Variants in DPYSL2 observed in about 807,000 individuals in gnomAD.
DPYSL2 encodes dihydropyrimidinase-related protein 2.
A neutral mutation model predicts 69.9 loss-of-function variants in DPYSL2; 13 were observed. The ratio of observed to expected loss-of-function variants is 0.19; its 90% CI spans 0.12 to 0.30. The LOEUF is 0.30. DPYSL2 is among the 10% of genes least tolerant of loss of function. DPYSL2 has a pLI of 1.00. For missense variants in DPYSL2, 587 were observed against 918.9 expected, an observed-to-expected ratio of 0.64 and a Z score of 4.67; for synonymous variants, 326 against 359.1, an observed-to-expected ratio of 0.91 and a Z score of 1.04.
intron 1 of DPYSL2, among the ~76,000 whole-genome samples, chr8:26,518,631 C>G (rs1808333080): frequency 6.6e-6 from 1 of 152,144 alleles, no homozygotes; most frequent in Non-Finnish European, 1.5e-5. Flanking sequence ...CCCCTGGCAA[C>G]CACCATTCTC....
At chr8:26,633,918 C>T (rs1802840723) in intron 7 of DPYSL2, among the ~76,000 whole-genome samples, 1 of 152,232 alleles carries the variant, frequency 6.6e-6, no homozygotes, top group Admixed American at 6.5e-5. Context: ...CCACTCCGTT[C>T]CTAGAGCCCT....
chr8:26,536,732 A>T (rs1800598884), intron 1 of DPYSL2, among the ~76,000 whole-genome samples: 1 of 152,332 alleles, frequency 6.6e-6, no homozygotes. Flanking sequence ...ATGAATAGTG[A>T]ATTTATGAAA....
Position 26,591,398 on chromosome 8 carries a change from G to A in DPYSL2, c.628+7415G>A, listed in dbSNP as rs965777076. Among the ~76,000 whole-genome samples, 12 of 152,174 alleles carry A rather than the reference G, an allele frequency of 7.9e-5. No homozygotes were observed. Among genetic ancestry groups the A allele is most frequent in the Admixed American group, 7.2e-4 (11 of 15,276 alleles). ...CTTATTGCTAGATGAAAGCTTCCAC[G>A]ACACACATGTGTCTAAGTGTGCCCT... On this transcript the variant is annotated intron_variant, in intron 3 of 13. Transcript: ENST00000521913. The surrounding 1 kb of genome is among the most constrained non-coding windows in gnomAD (Gnocchi z 5.8).
intron 1 of DPYSL2, among the ~76,000 whole-genome samples, chr8:26,535,408 T>A (rs1800574512): frequency 6.6e-6 from 1 of 152,096 alleles, no homozygotes; most frequent in Non-Finnish European, 1.5e-5. Flanking sequence ...AAATATGTCA[T>A]ACATATAAAG....
rs1038670149 is a variant in DPYSL2 at position 26,605,602 on chromosome 8, G to T, written c.629-18541G>T. ...CTTTAGCCATTCAAAGGAATTAAAT[G>T]AAGAAATATTTGATCTAAGAAGAAA... On this transcript the variant is annotated intron_variant, in intron 3 of 13. Transcript: ENST00000521913. This position sits in a 1 kb window ranked among gnomAD's most constrained non-coding sequence, Gnocchi z 4.1. 2.0e-5 allele frequency among the ~76,000 whole-genome samples: 3 copies of T among 152,116 alleles called. No individual in the cohort carries two copies. The highest frequency in any genetic ancestry group is 7.2e-5 in the African/African-American group (3 of 41,422).
At position 26,647,843 on chromosome 8, in the gene DPYSL2, A is replaced by G. The variant is rs377736634; in HGVS notation, c.1596+43A>G. The G allele has an allele frequency of 1.8e-4, 277 of 1,562,222 alleles. No homozygotes were observed. The highest frequency in any genetic ancestry group is 1.9e-4 in the Non-Finnish European group (224 of 1,153,120). On this transcript the variant is annotated intron_variant, in intron 11 of 13. Transcript: ENST00000521913. The surrounding 1 kb of genome is among the most constrained non-coding windows in gnomAD (Gnocchi z 5.1). ...TGCAGACCCCATCCAAACGAATTACAGTCACAGAGACACAGACGGAGGGAG... is the reference window on the plus strand; with the variant it reads ...TGCAGACCCCATCCAAACGAATTACGGTCACAGAGACACAGACGGAGGGAG...
chr8:26,538,832 T>G (rs1244035995), intron 1 of DPYSL2, among the ~76,000 whole-genome samples: 4 of 152,224 alleles, frequency 2.6e-5, no homozygotes, highest in Non-Finnish European at 5.9e-5. Context: ...TTCTTGGGCA[T>G]GACATTCCCC....
Position 26,610,680 on chromosome 8 carries a change from G to A in DPYSL2, c.629-13463G>A, listed in dbSNP as rs551110251. On this transcript the variant is annotated intron_variant, in intron 3 of 13. Coordinates refer to ENST00000521913, the MANE Select transcript of DPYSL2 (RefSeq NM_001197293.3). The surrounding 1 kb of genome is among the most constrained non-coding windows in gnomAD (Gnocchi z 4.5). ...CCCCCTGCTCTCCCCTGGCATAGAA[G>A]GGTGCATCTCGTCTCCCCACAACAG... is the stretch of plus-strand genomic sequence containing the variant. Among the ~76,000 whole-genome samples the A allele has an allele frequency of 6.6e-6, 1 of 152,130 alleles. No individual in the cohort carries two copies. Among genetic ancestry groups the A allele is most frequent in the Non-Finnish European group, 1.5e-5 (1 of 68,028 alleles).
chr8:26,604,723 G>A (rs183397792), intron 3 of DPYSL2, among the ~76,000 whole-genome samples: 23 of 151,532 alleles, frequency 1.5e-4, no homozygotes, highest in Admixed American at 1.3e-3. Context: ...GTGCTATCTC[G>A]GCTCACTGCA....
rs141355118 is a variant in DPYSL2 at position 26,593,115 on chromosome 8, T to C, written c.628+9132T>C. ...CTTTCTGGTTAACCCATTTGGGAGGTAGCTTTCTTTGAATATGACTAAGTG... is the reference window on the plus strand; with the variant it reads ...CTTTCTGGTTAACCCATTTGGGAGGCAGCTTTCTTTGAATATGACTAAGTG... On this transcript the variant is annotated intron_variant, in intron 3 of 13. Transcript: ENST00000521913. The surrounding 1 kb of genome is among the most constrained non-coding windows in gnomAD (Gnocchi z 5.7). Among the ~76,000 whole-genome samples the C allele has an allele frequency of 1.5e-3, 231 of 152,134 alleles. 1 individual carries two copies. Among genetic ancestry groups the C allele is most frequent in the Admixed American group, 3.2e-3 (49 of 15,276 alleles).
At chr8:26,527,717 A>C (rs1285841660) in intron 1 of DPYSL2, among the ~76,000 whole-genome samples, 2 of 152,196 alleles carry the variant, frequency 1.3e-5, no homozygotes, top group Admixed American at 6.5e-5. Flanking sequence ...CACTGAAATC[A>C]TAAAGGGAAA....
chr8:26,540,911 A>AT (rs1800672936), intron 1 of DPYSL2, among the ~76,000 whole-genome samples: 1 of 151,648 alleles, frequency 6.6e-6, no homozygotes, highest in Non-Finnish European at 1.5e-5. Context: ...TCTCAAAAAA[A>AT]AAAAAAAAAG....
rs527459653 is a variant in DPYSL2, at chr8:26,580,410, C to T, written c.355-1559C>T. Among the ~76,000 whole-genome samples, 1 of 152,300 alleles carries T rather than the reference C, an allele frequency of 6.6e-6. No individual in the cohort carries two copies. Among genetic ancestry groups the T allele is most frequent in the East Asian group, 1.9e-4 (1 of 5,184 alleles). On this transcript the variant is annotated intron_variant, in intron 1 of 13. Transcript: ENST00000521913. The surrounding 1 kb of genome is among the most constrained non-coding windows in gnomAD (Gnocchi z 4.1). Reference sequence around the variant, plus strand: ...TTCGAGGCTCTGATGTCATGATGTGCACGGCTTTGTAAAGGTCTTTACACT... The same window carrying T: ...TTCGAGGCTCTGATGTCATGATGTGTACGGCTTTGTAAAGGTCTTTACACT...
At chr8:26,629,895 C>T (rs1030513901) in intron 7 of DPYSL2, among the ~76,000 whole-genome samples, 1 of 152,196 alleles carries the variant, frequency 6.6e-6, no homozygotes, top group African/African-American at 2.4e-5. Context: ...CCGCGCCCGG[C>T]CGAGGCTGAT....
At chr8:26,537,556 T>C (rs1203632603) in intron 1 of DPYSL2, among the ~76,000 whole-genome samples, 1 of 151,794 alleles carries the variant, frequency 6.6e-6, no homozygotes, top group Non-Finnish European at 1.5e-5. Flanking sequence ...ACCTTTCACC[T>C]AGTTTCCTGC....
At position 26,648,041 on chromosome 8, in the gene DPYSL2, C is replaced by G. The variant is rs551444663; in HGVS notation, c.1596+241C>G. Reference sequence around the variant, plus strand: ...TACCACAGCCTCTCTATCTATAGACCTTTAGAGCCTCTAAAGTGATGTCAG... The same window carrying G: ...TACCACAGCCTCTCTATCTATAGACGTTTAGAGCCTCTAAAGTGATGTCAG... On this transcript the variant is annotated intron_variant, in intron 11 of 13. Transcript: ENST00000521913. This position sits in a 1 kb window ranked among gnomAD's most constrained non-coding sequence, Gnocchi z 4.3. Among the ~76,000 whole-genome samples the G allele has an allele frequency of 6.6e-6, 1 of 152,228 alleles. No homozygotes were observed. The highest frequency in any genetic ancestry group is 1.9e-4 in the East Asian group (1 of 5,178).
chr8:26,655,794 T>G lies in DPYSL2; in HGVS notation c.*88T>G. ...TTCTTTCTTCCTTCCTTTTTTTTTT[T>G]TTGTTTTTTTTTTTAAGAGCCTGTG... On this transcript the variant is annotated 3_prime_UTR_variant, in exon 14 of 14. Transcript: ENST00000521913. 28 of 1,271,610 alleles carry G rather than the reference T, an allele frequency of 2.2e-5. No homozygotes were observed. Among genetic ancestry groups the G allele is most frequent in the Middle Eastern group, 2.1e-4 (1 of 4,662 alleles). 78.8% of individuals were successfully genotyped at this position (1,271,610 alleles called of 1,614,324 possible).
In DPYSL2 at chr8:26,543,067, C is replaced by T. The variant is rs1024830758; in HGVS notation, c.354+28388C>T. Among the ~76,000 whole-genome samples, 8 of 152,248 alleles carry T rather than the reference C, an allele frequency of 5.3e-5. No individual in the cohort carries two copies. The East Asian group carries it at 5.8e-4, about 11-fold the overall frequency. On this transcript the variant is annotated intron_variant, in intron 1 of 13. Transcript: ENST00000521913. Reference sequence around the variant, plus strand: ...ATTTCATAGAAGACAAAAATGGCAACGCTCCTCTAGATAAAGGTATTGGCA... The same window carrying T: ...ATTTCATAGAAGACAAAAATGGCAATGCTCCTCTAGATAAAGGTATTGGCA...
At position 26,535,940 on chromosome 8, in the gene DPYSL2, G is replaced by C. The variant is rs1434612490; in HGVS notation, c.354+21261G>C. Among the ~76,000 whole-genome samples the C allele has an allele frequency of 4.7e-5, 7 of 149,876 alleles. No individual in the cohort carries two copies. In the East Asian group the frequency reaches 1.4e-3, roughly 30 times the overall value. On this transcript the variant is annotated intron_variant, in intron 1 of 13. Coordinates refer to ENST00000521913, the MANE Select transcript of DPYSL2 (RefSeq NM_001197293.3). ...TGTGTGTGTGTGTGTGTGTGTGTTT[G>C]AGATGGGGTCTCACTCTGTCACCCA...
Sources: allele counts gnomAD v4.1 joint callset (sites outside exome capture counted in the v4.1 genomes callset), GRCh38; gene constraint gnomAD v4.1.1; non-coding constraint Gnocchi (gnomAD v3.1); transcripts MANE v1.5; gene names NCBI Gene and HGNC (gene_info 2026-07-23, HGNC 2026-07-21).